Variants in ST3GAL3 observed in about 807,000 individuals in gnomAD.
ST3GAL3 encodes the protein ST3 beta-galactoside alpha-2,3-sialyltransferase 3, also known as CMP-N-acetylneuraminate-beta-1,4-galactoside alpha-2,3-sialyltransferase.
ST3GAL3 carries 21 observed loss-of-function variants against 50.1 expected under a neutral mutation model. The observed-to-expected ratio is 0.42, with a 90% CI of 0.30 to 0.60. The LOEUF is 0.60. Ranked by LOEUF, ST3GAL3 falls within the 20% of genes least tolerant of loss-of-function variation. The pLI is 0.19. For synonymous variants in ST3GAL3, 183 were observed against 190.0 expected (o/e 0.96, Z 0.30); for missense variants, 353 against 489.4 (o/e 0.72, Z 2.63).
chr1:43,799,099 A>G (rs1471404149), intron 3 of ST3GAL3, among the ~76,000 whole-genome samples: 1 of 152,248 alleles, frequency 6.6e-6, no homozygotes, highest in Non-Finnish European at 1.5e-5. Flanking sequence ...AGGTAAAATT[A>G]TGTATGTACG....
intron 3 of ST3GAL3, among the ~76,000 whole-genome samples, chr1:43,802,443 T>C (rs1050378029): frequency 2.0e-5 from 3 of 152,244 alleles, no homozygotes; most frequent in Non-Finnish European, 4.4e-5. Flanking sequence ...TATTTCAAAA[T>C]AGCGTGAAGC....
intron 3 of ST3GAL3, among the ~76,000 whole-genome samples, chr1:43,806,731 C>A (rs1394644201): frequency 6.6e-6 from 1 of 152,114 alleles, no homozygotes; most frequent in East Asian, 1.9e-4. Context: ...CTCCCGTTGC[C>A]CAGGCCAGAG....
At chr1:43,815,108 G>A (rs1415204802) in intron 4 of ST3GAL3, 175 bp downstream of exon 4, 3 of 722,414 alleles carry the variant, frequency 4.2e-6, no homozygotes, top group African/African-American at 1.8e-5. Context: ...AGCGGCCAGA[G>A]AGGGTGGGAT....
At position 43,899,407 on chromosome 1, in the gene ST3GAL3, A is replaced by C. The variant is rs1210242096; in HGVS notation, c.558-134A>C. The stretch of plus-strand genomic sequence containing the variant: ...TCTGGGTTGGAGGGCTTTGGAACAG[A>C]CAACTAGCGGGGGCACCTGGGGAGA... On this transcript the variant is annotated intron_variant, in intron 8 of 11. Coordinates refer to ENST00000347631, the MANE Select transcript of ST3GAL3 (RefSeq NM_006279.5). The surrounding 1 kb of genome is among the most constrained non-coding windows in gnomAD (Gnocchi z 5.4). The C allele has an allele frequency of 2.5e-6, 4 of 1,578,924 alleles. No individual in the cohort carries two copies.
intron 2 of ST3GAL3, among the ~76,000 whole-genome samples, chr1:43,758,587 G>A (rs1276281096): frequency 6.6e-6 from 1 of 152,104 alleles, no homozygotes; most frequent in Non-Finnish European, 1.5e-5. Flanking sequence ...ACAGCATTAA[G>A]ATTTAAAGTA....
At chr1:43,849,414 T>C (rs1004299762) in intron 5 of ST3GAL3, among the ~76,000 whole-genome samples, 1 of 152,210 alleles carries the variant, frequency 6.6e-6, no homozygotes, top group Non-Finnish European at 1.5e-5. Flanking sequence ...AAATCTTACC[T>C]TTTTTAACTT....
chr1:43,910,191 G>GT (rs951314392), intron 9 of ST3GAL3, among the ~76,000 whole-genome samples: 11 of 152,272 alleles, frequency 7.2e-5, no homozygotes, highest in Admixed American at 4.6e-4. Flanking sequence ...TACCTAAGGG[G>GT]TTTTTTTATG....
intron 1 of ST3GAL3, among the ~76,000 whole-genome samples, chr1:43,710,639 T>C (rs1233432251): frequency 6.6e-6 from 1 of 152,194 alleles, no homozygotes; most frequent in African/African-American, 2.4e-5. Flanking sequence ...ATTTTCCAGG[T>C]CAATGGAACT....
intron 3 of ST3GAL3, among the ~76,000 whole-genome samples, chr1:43,793,465 A>G (rs1228656114): frequency 3.3e-5 from 5 of 152,200 alleles, no homozygotes; most frequent in Non-Finnish European, 7.3e-5. Flanking sequence ...CAAATACTAG[A>G]TCTCCTTACA....
chr1:43,882,524 CT>C (rs2075311571), intron 5 of ST3GAL3, among the ~76,000 whole-genome samples: 1 of 152,192 alleles, frequency 6.6e-6, no homozygotes, highest in South Asian at 2.1e-4. Context: ...CCTGAACTAT[CT>C]TTAGGCCCAC....
At position 43,894,480 on chromosome 1, in the gene ST3GAL3, A is replaced by G. The variant is rs747970573; in HGVS notation, c.397+3A>G. ...GCCTTTTGGGATCAAAGGTCAAGGT[A>G]TGTTGGGAACCCTGACCTACATTAA... On this transcript the variant is annotated splice_donor_region_variant and intron_variant, in intron 6 of 11. Transcript: ENST00000347631. The G allele has an allele frequency of 5.0e-6, 8 of 1,613,698 alleles. No individual in the cohort carries two copies. Among genetic ancestry groups the G allele is most frequent in the Non-Finnish European group, 6.8e-6 (8 of 1,179,744 alleles).
intron 4 of ST3GAL3, among the ~76,000 whole-genome samples, chr1:43,823,571 C>T (rs972657895): frequency 1.3e-5 from 2 of 152,176 alleles, no homozygotes; most frequent in African/African-American, 4.8e-5. Flanking sequence ...CCCCTATTGG[C>T]GTTCCCTGTT....
At chr1:43,860,388 C>A (rs1021869647) in intron 5 of ST3GAL3, among the ~76,000 whole-genome samples, 2 of 152,202 alleles carry the variant, frequency 1.3e-5, no homozygotes, top group African/African-American at 4.8e-5. Context: ...AGCCCTGTCT[C>A]CAGTGGGCCT....
At chr1:43,710,860 GTC>G (rs767896253) in intron 1 of ST3GAL3, among the ~76,000 whole-genome samples, 1 of 152,148 alleles carries the variant, frequency 6.6e-6, no homozygotes, top group Non-Finnish European at 1.5e-5. Flanking sequence ...TAACATTAGA[GTC>G]TGCCTTTTTG....
In ST3GAL3 at chr1:43,891,546, G is replaced by A. The variant is rs547145659; in HGVS notation, c.303-2837G>A. On this transcript the variant is annotated intron_variant, in intron 5 of 11. Transcript: ENST00000347631. ...ATCGCACCATTGCACTCCAGCCTGG[G>A]CAACAAGAGCAAAACTACATTTCAA... Among the ~76,000 whole-genome samples the A allele has an allele frequency of 3.3e-5, 5 of 152,256 alleles. No homozygotes were observed. In the South Asian group the frequency reaches 6.2e-4, roughly 19 times the overall value.
chr1:43,879,933 G>T (rs1259527513), intron 5 of ST3GAL3, among the ~76,000 whole-genome samples: 2 of 152,230 alleles, frequency 1.3e-5, no homozygotes, highest in African/African-American at 4.8e-5. Context: ...CTTCTGGGCT[G>T]CTTGGCACCA....
intron 9 of ST3GAL3, among the ~76,000 whole-genome samples, chr1:43,917,531 T>G (rs1266325567): frequency 1.1e-5 from 1 of 88,976 alleles, no homozygotes; most frequent in Admixed American, 2.0e-4. Context: ...TATTATATTA[T>G]ATAATATATT....
intron 2 of ST3GAL3, among the ~76,000 whole-genome samples, chr1:43,780,831 C>T (rs1699143212): frequency 1.3e-5 from 2 of 151,916 alleles, no homozygotes; most frequent in South Asian, 4.1e-4. Flanking sequence ...GTTTTCATCC[C>T]CCTGAGTCTC....
intron 2 of ST3GAL3, among the ~76,000 whole-genome samples, chr1:43,754,937 CAT>C (rs1445136290): frequency 7.0e-6 from 1 of 143,054 alleles, no homozygotes; most frequent in Non-Finnish European, 1.6e-5. Context: ...AAAAAAAAAA[CAT>C]AATAAAAGAT....
Sources: gnomAD v4.1 joint callset for allele counts (sites outside exome capture counted in the v4.1 genomes callset) on GRCh38, gnomAD v4.1.1 for gene constraint, Gnocchi (gnomAD v3.1) non-coding constraint, MANE v1.5 for transcripts, NCBI Gene and HGNC (gene_info 2026-07-23, HGNC 2026-07-21) for gene names.